Variants in FGF14 observed in about 807,000 individuals in gnomAD.
FGF14 encodes fibroblast growth factor 14.
FGF14 carries 5 observed loss-of-function variants against 25.5 expected under a neutral mutation model. That is an observed-to-expected ratio of 0.20 (90% CI 0.10 to 0.41). The LOEUF (loss-of-function observed/expected upper bound fraction) is 0.41. Ranked by LOEUF, FGF14 falls within the 10% of genes least tolerant of loss-of-function variation. FGF14 has a pLI of 1.00. For synonymous variants in FGF14, 138 were observed against 118.3 expected (o/e 1.17, Z -1.08); for missense variants, 222 against 320.1 (o/e 0.69, Z 2.34).
chr13:102,371,070 T>C (rs565460598), intron 1 of FGF14, among the ~76,000 whole-genome samples: 10 of 152,348 alleles, frequency 6.6e-5, no homozygotes, highest in East Asian at 3.9e-4. Context: ...CCATGAACTA[T>C]TGCAATAATT....
chr13:101,910,041 AAGG>A (rs2139064609), intron 1 of FGF14, among the ~76,000 whole-genome samples: 1 of 152,074 alleles, frequency 6.6e-6, no homozygotes, highest in South Asian at 2.1e-4. Flanking sequence ...GGAATTGAAC[AAGG>A]AGAACACATG....
At position 102,304,009 on chromosome 13, in the gene FGF14, T is replaced by G. The variant is rs377123243; in HGVS notation, c.208+97462A>C. On this transcript the variant is annotated intron_variant, in intron 1 of 4. Coordinates refer to the FGF14 transcript ENST00000376131. ...CTTTGGAATTAGCATATCTTCAATT[T>G]AGCCCTCAAAAGTTGGTTGGTGTTT... Among the ~76,000 whole-genome samples, 25 of 152,284 alleles carry G rather than the reference T, an allele frequency of 1.6e-4. No homozygotes were observed. The East Asian group carries it at 3.9e-3, about 24-fold the overall frequency.
At chr13:101,956,450 T>C (rs2036519798) in intron 1 of FGF14, among the ~76,000 whole-genome samples, 1 of 152,176 alleles carries the variant, frequency 6.6e-6, no homozygotes, top group African/African-American at 2.4e-5. Context: ...GATCATTCCA[T>C]GAGGTGAAAT....
At chr13:102,162,887 C>G (rs979344637) in intron 1 of FGF14, among the ~76,000 whole-genome samples, 13 of 152,206 alleles carry the variant, frequency 8.5e-5, no homozygotes, top group Admixed American at 2.6e-4. Context: ...TCTCTGGTCA[C>G]TGGCAGTGGT....
intron 1 of FGF14, among the ~76,000 whole-genome samples, chr13:102,240,192 C>T (rs1197896837): frequency 2.0e-5 from 3 of 152,110 alleles, no homozygotes; most frequent in Non-Finnish European, 4.4e-5. Flanking sequence ...ACATATATAA[C>T]TCTCAGCAAG....
intron 1 of FGF14, among the ~76,000 whole-genome samples, chr13:102,191,072 G>A (rs959583586): frequency 1.3e-5 from 2 of 152,144 alleles, no homozygotes; most frequent in African/African-American, 4.8e-5. Context: ...TATTTGATCT[G>A]GCTGGTAGTT....
chr13:102,402,143 A>G (rs1359431414), upstream of FGF14: 13 of 161,058 alleles, frequency 8.1e-5, no homozygotes, highest in Admixed American at 7.2e-4. Context: ...CACCTCCGAG[A>G]TTGAGTCTGA....
intron 3 of FGF14, among the ~76,000 whole-genome samples, chr13:101,734,220 T>C (rs1401003597): frequency 6.6e-6 from 1 of 152,200 alleles, no homozygotes; most frequent in Non-Finnish European, 1.5e-5. Flanking sequence ...TATTGGCATA[T>C]ATTCTCATTA....
chr13:102,221,881 A>G (rs1226027806), intron 1 of FGF14, among the ~76,000 whole-genome samples: 4 of 152,202 alleles, frequency 2.6e-5, no homozygotes, highest in Non-Finnish European at 5.9e-5. Context: ...AATACTAACT[A>G]AAACAAACTT....
intron 3 of FGF14, among the ~76,000 whole-genome samples, chr13:101,864,644 C>A (rs889190636): frequency 2.0e-5 from 3 of 151,952 alleles, no homozygotes; most frequent in African/African-American, 7.2e-5. Flanking sequence ...TTTTTAAAAT[C>A]AACATGAAAA....
chr13:102,128,755 G>A (rs1221881928), intron 1 of FGF14, among the ~76,000 whole-genome samples: 1 of 152,154 alleles, frequency 6.6e-6, no homozygotes, highest in African/African-American at 2.4e-5. Context: ...CTTTGACATA[G>A]GCAGGCTTTT....
intron 1 of FGF14, among the ~76,000 whole-genome samples, chr13:101,968,673 C>CAAAAAAAAA (rs11410391): frequency 5.9e-4 from 47 of 79,002 alleles, no homozygotes; most frequent in Non-Finnish European, 9.3e-4. Context: ...ACTCCGTCTC[C>CAAAAAAAAA]AAAAAAAAAA....
At chr13:102,336,692 G>A (rs537753346) in intron 1 of FGF14, among the ~76,000 whole-genome samples, 2 of 152,290 alleles carry the variant, frequency 1.3e-5, no homozygotes, top group South Asian at 4.1e-4. Context: ...TCAATGCCTG[G>A]CTTCAAAGCT....
At chr13:101,955,218 C>T (rs1594820077) in intron 1 of FGF14, among the ~76,000 whole-genome samples, 1 of 152,164 alleles carries the variant, frequency 6.6e-6, no homozygotes, top group African/African-American at 2.4e-5. Context: ...AGCAATACAC[C>T]AAAGTTGTTT....
intron 1 of FGF14, among the ~76,000 whole-genome samples, chr13:102,343,314 T>C (rs913464772): frequency 2.0e-4 from 31 of 152,172 alleles, no homozygotes; most frequent in Non-Finnish European, 3.2e-4. Flanking sequence ...GAGGGATTGG[T>C]CAATCCCTGG....
At chr13:102,150,695 C>T (rs1200783611) in intron 1 of FGF14, among the ~76,000 whole-genome samples, 3 of 152,344 alleles carry the variant, frequency 2.0e-5, no homozygotes, top group South Asian at 2.1e-4. Flanking sequence ...TTCCTCAAAA[C>T]ATCTTTCTCT....
chr13:102,127,121 T>G (rs749176588), intron 1 of FGF14, among the ~76,000 whole-genome samples: 35 of 152,152 alleles, frequency 2.3e-4, no homozygotes, highest in Non-Finnish European at 2.9e-4. Flanking sequence ...TATACATATA[T>G]GTAAAAGATA....
intron 1 of FGF14, among the ~76,000 whole-genome samples, chr13:102,098,474 T>G (rs1182868417): frequency 6.6e-6 from 1 of 152,240 alleles, no homozygotes; most frequent in East Asian, 1.9e-4. Flanking sequence ...TGTGACAGTT[T>G]AAGGAAGATG....
At chr13:101,887,391 T>C (rs2046048507) in intron 1 of FGF14, among the ~76,000 whole-genome samples, 1 of 151,864 alleles carries the variant, frequency 6.6e-6, no homozygotes, top group African/African-American at 2.4e-5. Context: ...ATGGAATTTA[T>C]ATAATATACA....
Sources: allele counts gnomAD v4.1 joint callset (sites outside exome capture counted in the v4.1 genomes callset), GRCh38; gene constraint gnomAD v4.1.1; transcripts MANE v1.5; gene names NCBI Gene and HGNC (gene_info 2026-07-23, HGNC 2026-07-21).